Variants in KCNIP4 observed in about 807,000 individuals in gnomAD.
The protein encoded by KCNIP4 is potassium voltage-gated channel interacting protein 4.
A neutral mutation model predicts 34.0 loss-of-function variants in KCNIP4; 12 were observed. That is an observed-to-expected ratio of 0.35 (90% CI 0.23 to 0.57). KCNIP4 has a LOEUF of 0.57. Ranked by LOEUF, KCNIP4 falls within the 20% of genes least tolerant of loss-of-function variation. KCNIP4 has a pLI of 0.83. For synonymous variants in KCNIP4, 124 were observed against 102.2 expected, an observed-to-expected ratio of 1.21 and a Z score of -1.29; for missense variants, 238 against 311.7, an observed-to-expected ratio of 0.76 and a Z score of 1.78.
intron 1 of KCNIP4, among the ~76,000 whole-genome samples, chr4:21,868,450 C>G (rs981960631): frequency 6.6e-6 from 1 of 152,148 alleles, no homozygotes; most frequent in Non-Finnish European, 1.5e-5. Context: ...AAATGTATGA[C>G]TAAGTCTGCT....
chr4:21,563,517 T>C (rs905389368), intron 1 of KCNIP4, among the ~76,000 whole-genome samples: 2 of 152,138 alleles, frequency 1.3e-5, no homozygotes, highest in African/African-American at 2.4e-5. Context: ...ACAGATATGA[T>C]AGGCAACGAA....
chr4:21,723,963 C>T (rs1715008244), intron 1 of KCNIP4, among the ~76,000 whole-genome samples: 1 of 151,968 alleles, frequency 6.6e-6, no homozygotes, highest in African/African-American at 2.4e-5. Flanking sequence ...ATATGCAGGC[C>T]TTATAGCAGA....
intron 5 of KCNIP4, 75 bp from the exon 6 acceptor site, chr4:20,734,810 T>A: frequency 1.3e-6 from 1 of 792,974 alleles, no homozygotes; most frequent in Non-Finnish European, 2.0e-6. Context: ...ATGATGTAAG[T>A]AAGGGCTACA....
At chr4:21,417,274 G>GGTGT (rs139696783) in intron 1 of KCNIP4, among the ~76,000 whole-genome samples, 30 of 150,148 alleles carry the variant, frequency 2.0e-4, no homozygotes, top group African/African-American at 5.6e-4. Context: ...TGTTTCTTGA[G>GGTGT]GTGTGTGTGT....
intron 1 of KCNIP4, among the ~76,000 whole-genome samples, chr4:21,475,445 G>T (rs1730873159): frequency 6.6e-6 from 1 of 152,088 alleles, no homozygotes; most frequent in African/African-American, 2.4e-5. Flanking sequence ...CTCAGAGCCT[G>T]GCAACAACTT....
chr4:20,971,778 G>T (rs1198967412), intron 1 of KCNIP4, among the ~76,000 whole-genome samples: 1 of 152,180 alleles, frequency 6.6e-6, no homozygotes, highest in African/African-American at 2.4e-5. Flanking sequence ...TTGCCTCATT[G>T]ATTGAACTCT....
intron 1 of KCNIP4, among the ~76,000 whole-genome samples, chr4:20,971,307 TATGTTGATTTAAAAAGC>T (rs1297654678): frequency 6.6e-6 from 1 of 152,104 alleles, no homozygotes; most frequent in African/African-American, 2.4e-5. Context: ...ATCAGACAAG[TATGTTGATTTAAAAAGC>T]ATGTTGATTT....
intron 1 of KCNIP4, among the ~76,000 whole-genome samples, chr4:21,339,197 C>G (rs955995297): frequency 6.6e-6 from 1 of 152,186 alleles, no homozygotes; most frequent in African/African-American, 2.4e-5. Flanking sequence ...TCAAATGACA[C>G]TATGATAGCT....
At chr4:21,791,581 CA>C (rs1321702602) in intron 1 of KCNIP4, among the ~76,000 whole-genome samples, 11 of 151,800 alleles carry the variant, frequency 7.2e-5, no homozygotes, top group African/African-American at 2.4e-4. Context: ...CCGCGGGACT[CA>C]CTCTGGTGAG....
At chr4:21,441,167 A>C (rs1396579885) in intron 1 of KCNIP4, among the ~76,000 whole-genome samples, 8 of 137,856 alleles carry the variant, frequency 5.8e-5, no homozygotes, top group Admixed American at 5.4e-4. Context: ...TTTGAGACGG[A>C]GTCTTGCTCT....
intron 1 of KCNIP4, among the ~76,000 whole-genome samples, chr4:21,613,922 A>G (rs558214176): frequency 6.6e-6 from 1 of 152,050 alleles, no homozygotes; most frequent in East Asian, 1.9e-4. Context: ...AACTGGGCAG[A>G]TCACCTGAGG....
intron 1 of KCNIP4, among the ~76,000 whole-genome samples, chr4:21,497,062 A>T (rs1732907736): frequency 6.6e-6 from 1 of 152,118 alleles, no homozygotes; most frequent in Non-Finnish European, 1.5e-5. Context: ...TCCATTTTTT[A>T]TACTGACAAC....
chr4:21,111,250 T>C (rs988202919), intron 1 of KCNIP4, among the ~76,000 whole-genome samples: 1 of 152,072 alleles, frequency 6.6e-6, no homozygotes, highest in Non-Finnish European at 1.5e-5. Context: ...AACGAAAGAA[T>C]TGATCCTTGG....
At chr4:21,128,378 A>T (rs1178012342) in intron 1 of KCNIP4, among the ~76,000 whole-genome samples, 1 of 152,264 alleles carries the variant, frequency 6.6e-6, no homozygotes, top group African/African-American at 2.4e-5. Context: ...GTTTCAGAAC[A>T]TGACACAGGA....
At chr4:21,455,619 C>G (rs1001851241) in intron 1 of KCNIP4, among the ~76,000 whole-genome samples, 1 of 135,676 alleles carries the variant, frequency 7.4e-6, no homozygotes, top group African/African-American at 2.7e-5. Flanking sequence ...GATAAAGAAA[C>G]TGAAGGTTTT....
At position 21,245,077 on chromosome 4, in the gene KCNIP4, T is replaced by C. The variant is rs544055267; in HGVS notation, c.62-362368A>G. 2.6e-5 allele frequency among the ~76,000 whole-genome samples: 4 copies of C among 152,330 alleles called. No individual in the cohort carries two copies. The South Asian group carries it at 8.3e-4, about 32-fold the overall frequency. On this transcript the variant is annotated intron_variant, in intron 1 of 8. Coordinates refer to ENST00000382152, the MANE Select transcript of KCNIP4 (RefSeq NM_025221.6). ...CATGGGTTTTAGTGTGATGAAGATG[T>C]GGTCTCCTATCTCAGCTTCATGACT... is the stretch of plus-strand genomic sequence containing the variant.
Position 21,948,670 on chromosome 4 carries a change from C to A in KCNIP4, c.-39G>T. 9 of 1,601,660 alleles carry A rather than the reference C, an allele frequency of 5.6e-6. No individual in the cohort carries two copies. Among genetic ancestry groups the A allele is most frequent in the Non-Finnish European group, 6.8e-6 (8 of 1,173,552 alleles). ...GGGTGCAGAAGCGAGACTCGAGAGTCCACCGGCCAGGGGCGTCTGTCCACG... is the reference window on the plus strand; with the variant it reads ...GGGTGCAGAAGCGAGACTCGAGAGTACACCGGCCAGGGGCGTCTGTCCACG... On this transcript the variant is annotated 5_prime_UTR_variant, in exon 1 of 9. Coordinates refer to ENST00000382152, the MANE Select transcript of KCNIP4 (RefSeq NM_025221.6).
Position 20,780,739 on chromosome 4 carries a change from C to T in KCNIP4, c.289-21849G>A, listed in dbSNP as rs571893556. On this transcript the variant is annotated intron_variant, in intron 3 of 8. Transcript: ENST00000382152. ...TCCTGCCTTGCTGGAGTTATTAGCACGGAGAAAAGGTGAGTAAAAGAGACA... is the reference window on the plus strand; with the variant it reads ...TCCTGCCTTGCTGGAGTTATTAGCATGGAGAAAAGGTGAGTAAAAGAGACA... Among the ~76,000 whole-genome samples the T allele has an allele frequency of 1.4e-3, 211 of 152,216 alleles. 5 individuals are homozygous for T. In the South Asian group the frequency reaches 0.041, roughly 29 times the overall value.
chr4:21,932,444 T>C (rs145548234), intron 1 of KCNIP4, among the ~76,000 whole-genome samples: 19 of 152,250 alleles, frequency 1.2e-4, no homozygotes, highest in Admixed American at 2.6e-4. Context: ...CTATTTGTGT[T>C]AGCAAACAGA....
Sources: gnomAD v4.1 joint callset for allele counts (sites outside exome capture counted in the v4.1 genomes callset) on GRCh38, gnomAD v4.1.1 for gene constraint, MANE v1.5 for transcripts, NCBI Gene and HGNC (gene_info 2026-07-23, HGNC 2026-07-21) for gene names.